FREM1: variants seen among roughly 807,000 people sequenced by gnomAD.
FREM1 encodes the protein FRAS1-related extracellular matrix protein 1.
FREM1 carries 220 observed loss-of-function variants against 210.1 expected under a neutral mutation model. That is an observed-to-expected ratio of 1.05 (90% CI 0.94 to 1.17). The LOEUF is 1.17. Among genes scored for constraint, FREM1 ranks in the 50% most tolerant of loss-of-function variants. The probability of loss-of-function intolerance (pLI) is 0.00; values close to 1 mark genes in which losing one functional copy is unlikely to be tolerated. For synonymous variants in FREM1, 1,189 were observed against 980.2 expected (o/e 1.21, Z -3.98); for missense variants, 3,454 against 2,675.5 (o/e 1.29, Z -6.42).
chr9:14,822,090 C>T (rs1242947572), intron 13 of FREM1, among the ~76,000 whole-genome samples: 1 of 152,068 alleles, frequency 6.6e-6, no homozygotes, highest in Non-Finnish European at 1.5e-5. Flanking sequence ...AATGAGAGTT[C>T]CCTGCACAAG....
At chr9:14,854,484 A>C (rs1438643467) in intron 5 of FREM1, among the ~76,000 whole-genome samples, 1 of 152,176 alleles carries the variant, frequency 6.6e-6, no homozygotes. Context: ...ATAATTTCAA[A>C]GATGAATTCA....
chr9:14,797,664 A>G (rs1852691611), intron 20 of FREM1, 22 bp from the exon 21 acceptor site: 1 of 1,597,262 alleles, frequency 6.3e-7, no homozygotes, highest in Non-Finnish European at 8.6e-7. Flanking sequence ...AAAAAAAATA[A>G]GTAAATCTTC....
chr9:14,746,390 C>G lies in FREM1; in HGVS notation c.6217G>C (p.Gly2073Arg), dbSNP rs373968346. 13 of 1,613,726 alleles carry G rather than the reference C, an allele frequency of 8.1e-6. No individual in the cohort carries two copies. Among genetic ancestry groups the G allele is most frequent in the Non-Finnish European group, 1.1e-5 (13 of 1,179,762 alleles). ...GCTTGGGCAGCCGCATTCCAGGTGC[C>G]TTTCTGCTCTGTGATCAAGATGTGA... Reference protein sequence around the residue: ...YCHILITEQKGTWNAAAQACR... With the variant: ...YCHILITEQKRTWNAAAQACR... The change falls in exon 35 of 37, where the codon GGC becomes CGC. Residue 2073 changes from glycine (G) to arginine (R), a missense_variant. Physicochemically the swap from Gly to Arg is moderately radical, Grantham distance 125 (BLOSUM62 -2). Coordinates refer to ENST00000380880, the MANE Select transcript of FREM1 (RefSeq NM_001379081.2).
chr9:14,815,776 T>C (rs1820192765), intron 15 of FREM1, among the ~76,000 whole-genome samples: 1 of 152,152 alleles, frequency 6.6e-6, no homozygotes, highest in African/African-American at 2.4e-5. Context: ...GCCTCCCAAG[T>C]AGCTGGGACT....
At chr9:14,812,694 G>T in intron 16 of FREM1, 118 bp downstream of exon 16, 1 of 1,042,256 alleles carries the variant, frequency 9.6e-7, no homozygotes, top group Non-Finnish European at 1.4e-6. Flanking sequence ...GGCTGCAGCT[G>T]CTTCTTGTTT....
chr9:14,861,356 TAC>T (rs1187732361), intron 3 of FREM1, among the ~76,000 whole-genome samples: 1 of 132,324 alleles, frequency 7.6e-6, no homozygotes, highest in African/African-American at 3.3e-5. Context: ...TATACATATA[TAC>T]ACATATATAC....
rs541064482 is a variant in FREM1 at position 14,787,980 on chromosome 9, C to T, written c.4177+939G>A. Among the ~76,000 whole-genome samples, 4 of 152,192 alleles carry T rather than the reference C, an allele frequency of 2.6e-5. No homozygotes were observed. In the East Asian group the frequency reaches 5.8e-4, roughly 22 times the overall value. On this transcript the variant is annotated intron_variant, in intron 23 of 36. Coordinates refer to ENST00000380880, the MANE Select transcript of FREM1 (RefSeq NM_001379081.2). ...TCAATGTAAACATCTCAAGATCAAA[C>T]TGAATTAATTTTTTAAAAATTTAGG...
intron 24 of FREM1, among the ~76,000 whole-genome samples, chr9:14,777,838 C>T (rs886470729): frequency 2.6e-5 from 4 of 152,054 alleles, no homozygotes; most frequent in African/African-American, 4.8e-5. Context: ...AGCCTGCCTG[C>T]GACCACGGAC....
chr9:14,860,558 C>CATATATATAT (rs1284798422), intron 3 of FREM1, among the ~76,000 whole-genome samples: 2 of 118,052 alleles, frequency 1.7e-5, no homozygotes, highest in African/African-American at 4.1e-5. Flanking sequence ...TATATATACA[C>CATATATATAT]ACATATATAT....
chr9:14,745,430 T>C (rs1041859410), intron 35 of FREM1, among the ~76,000 whole-genome samples: 1 of 152,200 alleles, frequency 6.6e-6, no homozygotes, highest in African/African-American at 2.4e-5. Flanking sequence ...GGACATCTAC[T>C]CTTGCGAAGA....
intron 16 of FREM1, among the ~76,000 whole-genome samples, chr9:14,811,203 C>T (rs1264950091): frequency 6.6e-6 from 1 of 152,096 alleles, no homozygotes. Flanking sequence ...CAAAAGCCGT[C>T]TATTTGAAAT....
chr9:14,865,254 C>A (rs1338191929), intron 2 of FREM1, among the ~76,000 whole-genome samples: 6 of 152,274 alleles, frequency 3.9e-5, no homozygotes, highest in Non-Finnish European at 5.9e-5. Flanking sequence ...TAGTGCTAAC[C>A]TGGGGTGCTT....
chr9:14,801,536 A>G (rs1817284694), intron 20 of FREM1, 116 bp downstream of exon 20: 2 of 725,608 alleles, frequency 2.8e-6, no homozygotes, highest in East Asian at 5.4e-5. Flanking sequence ...AGCCTCTAGT[A>G]ACCATCATTC....
At chr9:14,744,907 G>T (rs1174593472) in intron 35 of FREM1, among the ~76,000 whole-genome samples, 1 of 152,052 alleles carries the variant, frequency 6.6e-6, no homozygotes, top group Non-Finnish European at 1.5e-5. Context: ...GCAACATGTG[G>T]TATTGTCCAC....
intron 2 of FREM1, among the ~76,000 whole-genome samples, chr9:14,867,789 C>T (rs887112765): frequency 2.6e-5 from 4 of 152,190 alleles, no homozygotes; most frequent in African/African-American, 9.6e-5. Flanking sequence ...GTTGAATATT[C>T]TCAAGATTGT....
chr9:14,798,700 G>A (rs1852912814), intron 20 of FREM1, among the ~76,000 whole-genome samples: 1 of 151,974 alleles, frequency 6.6e-6, no homozygotes, highest in Non-Finnish European at 1.5e-5. Context: ...TTGTGACAGA[G>A]TCTCACTCTG....
rs558194682 is a variant in FREM1 at position 14,747,073 on chromosome 9, T to C, written c.6010-22A>G. ...GGTCCTTTGGGAAGGAAAGGCAATT[T>C]AGCAATTTAGAATTGACTTAAGGAA... On this transcript the variant is annotated intron_variant, in intron 33 of 36. Coordinates refer to ENST00000380880, the MANE Select transcript of FREM1 (RefSeq NM_001379081.2). The C allele has an allele frequency of 3.1e-6, 5 of 1,612,808 alleles. No homozygotes were observed. The African/African-American group carries it at 5.3e-5, about 17-fold the overall frequency.
At chr9:14,805,882 C>T (rs1020555407) in intron 18 of FREM1, among the ~76,000 whole-genome samples, 8 of 152,278 alleles carry the variant, frequency 5.3e-5, no homozygotes, top group South Asian at 2.1e-4. Context: ...ATCTGGGACA[C>T]GTTTTGGCTT....
chr9:14,810,698 T>C (rs1458592418), intron 16 of FREM1, among the ~76,000 whole-genome samples: 1 of 152,220 alleles, frequency 6.6e-6, no homozygotes, highest in African/African-American at 2.4e-5. Context: ...TTAATATATA[T>C]TTTAATAAAC....
Sources: allele counts gnomAD v4.1 joint callset (sites outside exome capture counted in the v4.1 genomes callset), GRCh38; gene constraint gnomAD v4.1.1; transcripts MANE v1.5; gene names NCBI Gene and HGNC (gene_info 2026-07-23, HGNC 2026-07-21).